PID1: variants seen among roughly 807,000 people sequenced by gnomAD.
The protein encoded by PID1 is phosphotyrosine interaction domain containing 1.
In PID1, 10 loss-of-function variants were observed where a neutral mutation model predicts 19.1. The ratio of observed to expected loss-of-function variants is 0.52; its 90% CI spans 0.32 to 0.89. The LOEUF is 0.89. PID1 is among the 40% of genes least tolerant of loss of function. The probability of loss-of-function intolerance (pLI) is 0.03; values close to 1 mark genes in which losing one functional copy is unlikely to be tolerated. For synonymous variants in PID1, 130 were observed against 116.0 expected (o/e 1.12, Z -0.78); for missense variants, 248 against 285.3 (o/e 0.87, Z 0.94).
At chr2:229,045,769 C>T (rs1693862398) in intron 2 of PID1, among the ~76,000 whole-genome samples, 1 of 152,214 alleles carries the variant, frequency 6.6e-6, no homozygotes, top group Non-Finnish European at 1.5e-5. Context: ...AGCCAAGGTG[C>T]TGCATTGCCT....
rs1051918207 is a variant in PID1, at chr2:229,113,972, C to T, written c.177+41846G>A. Among the ~76,000 whole-genome samples the T allele has an allele frequency of 6.6e-5, 10 of 152,278 alleles. No homozygotes were observed. The South Asian group carries it at 2.1e-3, about 32-fold the overall frequency. On this transcript the variant is annotated intron_variant, in intron 2 of 2. Transcript: ENST00000392055. ...GACCTTCCATAATGGGAGTCAGTCT[C>T]ACCCAGGCAGCTGAAGGCCTTAATA...
intron 1 of PID1, among the ~76,000 whole-genome samples, chr2:229,217,245 T>C (rs927949262): frequency 2.0e-5 from 3 of 152,220 alleles, no homozygotes; most frequent in Admixed American, 2.0e-4. Context: ...AAGTGTGCAC[T>C]TGGTAAGCTC....
chr2:229,139,167 G>GAGTGAGCA (rs1559252048), intron 2 of PID1, among the ~76,000 whole-genome samples: 2 of 71,414 alleles, frequency 2.8e-5, no homozygotes, highest in Non-Finnish European at 6.5e-5. Flanking sequence ...GCGAGCAAGC[G>GAGTGAGCA]AGCTTCCCTT....
Position 229,034,209 on chromosome 2 carries a change from C to T in PID1, c.178-8101G>A, listed in dbSNP as rs1236083334. On this transcript the variant is annotated intron_variant, in intron 2 of 2. Coordinates refer to ENST00000392055, the MANE Select transcript of PID1 (RefSeq NM_001100818.2). ...TAAATTTTGGAGGTCTAGAAGAATG[C>T]AGAGGGAAGACACAAAGGGGGCTAC... 3.9e-5 allele frequency among the ~76,000 whole-genome samples: 6 copies of T among 152,100 alleles called. No homozygotes were observed. In the South Asian group the frequency reaches 8.3e-4, roughly 21 times the overall value.
chr2:229,141,802 C>G (rs1444452786), intron 2 of PID1, among the ~76,000 whole-genome samples: 1 of 152,120 alleles, frequency 6.6e-6, no homozygotes, highest in African/African-American at 2.4e-5. Context: ...AAATGCCAAT[C>G]TGACTAATGT....
At chr2:229,135,300 C>A (rs951961356) in intron 2 of PID1, among the ~76,000 whole-genome samples, 5 of 152,266 alleles carry the variant, frequency 3.3e-5, no homozygotes, top group African/African-American at 7.2e-5. Flanking sequence ...TCTTTCAATT[C>A]TTCCTGTGAC....
At chr2:229,181,572 C>T (rs900644073) in intron 1 of PID1, among the ~76,000 whole-genome samples, 1 of 152,206 alleles carries the variant, frequency 6.6e-6, no homozygotes, top group Non-Finnish European at 1.5e-5. Context: ...GGAAATTACA[C>T]TGATCAGCCT....
chr2:229,233,026 T>C (rs372003506), intron 1 of PID1, among the ~76,000 whole-genome samples: 3 of 152,044 alleles, frequency 2.0e-5, no homozygotes, highest in Middle Eastern at 3.2e-3. Flanking sequence ...CATTTCTCAA[T>C]AAAGCAGAGC....
At chr2:229,093,595 G>A (rs904379655) in intron 2 of PID1, among the ~76,000 whole-genome samples, 5 of 152,114 alleles carry the variant, frequency 3.3e-5, no homozygotes, top group Admixed American at 6.5e-5. Context: ...TGTGTGCATC[G>A]GCTGAGGGCT....
rs1192437621 is a variant in PID1, at chr2:229,199,002, CA to C, written c.31-43039del. On this transcript the variant is annotated intron_variant, in intron 1 of 2. Coordinates refer to ENST00000392055, the MANE Select transcript of PID1 (RefSeq NM_001100818.2). ...ATCCCAAACTCCGTACCATGGCTAACAAGGTCTAACTCCTGACTTTTCTAAC... is the reference window on the plus strand; with the variant it reads ...ATCCCAAACTCCGTACCATGGCTAACAGGTCTAACTCCTGACTTTTCTAAC... Among the ~76,000 whole-genome samples the C allele has an allele frequency of 1.3e-5, 2 of 152,050 alleles. 1 individual carries two copies. Among genetic ancestry groups the C allele is most frequent in the Non-Finnish European group, 2.9e-5 (2 of 67,974 alleles).
At chr2:229,126,687 GCAT>G (rs1336974835) in intron 2 of PID1, among the ~76,000 whole-genome samples, 2 of 152,192 alleles carry the variant, frequency 1.3e-5, no homozygotes, top group African/African-American at 4.8e-5. Context: ...CATTTTCAGA[GCAT>G]CATCAATTTT....
At chr2:229,047,532 T>C (rs2106180732) in intron 2 of PID1, among the ~76,000 whole-genome samples, 1 of 152,286 alleles carries the variant, frequency 6.6e-6, no homozygotes, top group South Asian at 2.1e-4. Flanking sequence ...TATAATGAAT[T>C]TATAGGACTT....
intron 1 of PID1, among the ~76,000 whole-genome samples, chr2:229,201,702 G>A (rs963456230): frequency 1.3e-5 from 2 of 151,992 alleles, no homozygotes; most frequent in Non-Finnish European, 2.9e-5. Flanking sequence ...GAACTGCCAC[G>A]CTGCTTTCCA....
intron 2 of PID1, among the ~76,000 whole-genome samples, chr2:229,028,004 CCTGA>C (rs1322261145): frequency 6.6e-6 from 1 of 152,016 alleles, no homozygotes. Context: ...GATGGGGAGG[CCTGA>C]CTGATAGCAG....
intron 1 of PID1, among the ~76,000 whole-genome samples, chr2:229,256,803 G>A (rs748275053): frequency 6.6e-6 from 1 of 152,206 alleles, no homozygotes; most frequent in African/African-American, 2.4e-5. Context: ...ACTAAGCTAC[G>A]CTCTTTGTAG....
intron 2 of PID1, among the ~76,000 whole-genome samples, chr2:229,082,018 A>C (rs982176268): frequency 6.6e-6 from 1 of 152,200 alleles, no homozygotes; most frequent in Non-Finnish European, 1.5e-5. Context: ...TTATAACCTT[A>C]ACCTAACAGA....
At chr2:229,032,745 A>T (rs922722538) in intron 2 of PID1, among the ~76,000 whole-genome samples, 27 of 152,208 alleles carry the variant, frequency 1.8e-4, no homozygotes, top group African/African-American at 5.8e-4. Flanking sequence ...AGAGAAATAA[A>T]ATGAACACTT....
At chr2:229,134,480 G>C (rs1157665321) in intron 2 of PID1, among the ~76,000 whole-genome samples, 1 of 151,378 alleles carries the variant, frequency 6.6e-6, no homozygotes, top group African/African-American at 2.4e-5. Context: ...CTGACCTCAT[G>C]ATCCGCCCAC....
intron 1 of PID1, among the ~76,000 whole-genome samples, chr2:229,163,337 T>C (rs1428823593): frequency 2.0e-5 from 3 of 152,224 alleles, no homozygotes; most frequent in Admixed American, 1.3e-4. Flanking sequence ...CTAGTCACTG[T>C]CTTATTCAAA....
Sources: gnomAD v4.1 joint callset for allele counts (sites outside exome capture counted in the v4.1 genomes callset) on GRCh38, gnomAD v4.1.1 for gene constraint, MANE v1.5 for transcripts, NCBI Gene and HGNC (gene_info 2026-07-23, HGNC 2026-07-21) for gene names.